SLC34A2: variants seen among roughly 807,000 people sequenced by gnomAD.
The protein encoded by SLC34A2 is sodium-dependent phosphate transport protein 2B.
In SLC34A2, 41 loss-of-function variants were observed where a neutral mutation model predicts 50.8. The ratio of observed to expected loss-of-function variants is 0.81; its 90% CI spans 0.63 to 1.05. The LOEUF is 1.05. SLC34A2 is among the 50% of genes least tolerant of loss of function. The pLI is 0.00. For missense variants in SLC34A2, 879 were observed against 876.7 expected, an observed-to-expected ratio of 1.00 and a Z score of -0.03; for synonymous variants, 401 against 364.2, an observed-to-expected ratio of 1.10 and a Z score of -1.15.
chr4:25,665,484 T>C (rs1472080086), intron 4 of SLC34A2, among the ~76,000 whole-genome samples: 1 of 152,068 alleles, frequency 6.6e-6, no homozygotes, highest in East Asian at 1.9e-4. Context: ...ACATTGCTTC[T>C]GGGCTCCCTG....
chr4:25,668,344 G>T (rs1179150647), intron 6 of SLC34A2, among the ~76,000 whole-genome samples: 1 of 152,212 alleles, frequency 6.6e-6, no homozygotes, highest in African/African-American at 2.4e-5. Flanking sequence ...TTGAAGCAAG[G>T]CCAGTTAGAA....
rs1319636296 is a variant in SLC34A2, at chr4:25,667,994, A to T, written c.635+3A>T. 6 of 1,590,786 alleles carry T rather than the reference A, an allele frequency of 3.8e-6. No homozygotes were observed. Among genetic ancestry groups the T allele is most frequent in the Non-Finnish European group, 5.2e-6 (6 of 1,159,058 alleles). ...GGAGATCGGAGTGAGTTCAGAAGGT[A>T]AGAGGCTCAAAACCAGCCTTTGCGA... On this transcript the variant is annotated splice_donor_region_variant and intron_variant, in intron 6 of 12. Coordinates refer to ENST00000382051, the MANE Select transcript of SLC34A2 (RefSeq NM_006424.3).
At chr4:25,656,539 A>T (rs918109143) in intron 1 of SLC34A2, 1 of 152,244 alleles carries the variant, frequency 6.6e-6, no homozygotes, top group African/African-American at 2.4e-5. Flanking sequence ...AAAGCCCGCA[A>T]TTTATGTTTT....
In SLC34A2 at chr4:25,667,747, CA is replaced by C. The variant is rs372509113; in HGVS notation, c.524-124del. On this transcript the variant is annotated intron_variant, in intron 5 of 12. Transcript: ENST00000382051. ...TCATAGTGAGGTGCAGAGTGAGGTG[CA>C]AAAAAAAAGTTTAAGAATTCACTTG... The C allele has an allele frequency of 5.9e-3, 4,023 of 679,628 alleles. 91 individuals are homozygous for C. Among genetic ancestry groups the C allele is most frequent in the African/African-American group, 0.059 (3,285 of 56,136 alleles). The allele number at this position is 679,628 out of a possible 1,614,324, so 42.1% of individuals were successfully genotyped here.
chr4:25,670,319 T>C (rs572007152), intron 7 of SLC34A2, among the ~76,000 whole-genome samples: 10 of 152,324 alleles, frequency 6.6e-5, no homozygotes, highest in African/African-American at 2.2e-4. Flanking sequence ...GTGACTGACC[T>C]TGATGGTTAC....
At chr4:25,665,211 G>T (rs1714431141) in intron 4 of SLC34A2, 1 of 179,860 alleles carries the variant, frequency 5.6e-6, no homozygotes, top group African/African-American at 2.5e-5. Flanking sequence ...TTGTTGCCCG[G>T]GCTGGAGTGC....
At chr4:25,660,889 T>A (rs552527696) in intron 1 of SLC34A2, among the ~76,000 whole-genome samples, 2 of 152,304 alleles carry the variant, frequency 1.3e-5, no homozygotes, top group South Asian at 4.1e-4. Context: ...TTTGTTCCTT[T>A]TCTGTGAATT....
In SLC34A2 at chr4:25,676,806, C is replaced by T; in HGVS notation, c.*57C>T. ...TGGTCCTTGAGTTTTGCATGCTCTC[C>T]TCCCTCCCACTTCTGCACCCTTTCA... On this transcript the variant is annotated 3_prime_UTR_variant, in exon 13 of 13. Coordinates refer to ENST00000382051, the MANE Select transcript of SLC34A2 (RefSeq NM_006424.3). 6.2e-7 allele frequency: 1 copy of T among 1,610,216 alleles called. No homozygotes were observed.
intron 4 of SLC34A2, among the ~76,000 whole-genome samples, chr4:25,665,681 G>A (rs1385584377): frequency 6.6e-6 from 1 of 152,124 alleles, no homozygotes; most frequent in East Asian, 1.9e-4. Context: ...GGTGGATAGA[G>A]AGATCTACTC....
chr4:25,660,277 C>A (rs1714110923), intron 1 of SLC34A2, among the ~76,000 whole-genome samples: 1 of 152,184 alleles, frequency 6.6e-6, no homozygotes, highest in Admixed American at 6.5e-5. Context: ...TGGACTCAGG[C>A]TCTAAGAAGC....
In SLC34A2 at chr4:25,663,847, G is replaced by A. The variant is rs1051122873; in HGVS notation, c.251-355G>A. Among the ~76,000 whole-genome samples the A allele has an allele frequency of 3.3e-5, 5 of 152,168 alleles. No homozygotes were observed. The South Asian group carries it at 8.3e-4, about 25-fold the overall frequency. On this transcript the variant is annotated intron_variant, in intron 3 of 12. Coordinates refer to ENST00000382051, the MANE Select transcript of SLC34A2 (RefSeq NM_006424.3). ...GCCATTATCTCCGACCCTGCACTTA[G>A]CAGGTGGCTAGTGCTGTCAACTGCC...
chr4:25,674,336 C>T lies in SLC34A2; in HGVS notation c.1257C>T (p.Ala419=). ...TTGCATGGTTGACTGGCTACCTGGC[C>T]ATCCTCGTCGGGGCAGGCATGACCT... is the stretch of plus-strand genomic sequence containing the variant. The part of the protein sequence containing the change: ...FPFAWLTGYL[A]ILVGAGMTFI... Residue 419 remains alanine, a synonymous_variant, in exon 11 of 13, where the codon GCC becomes GCT. Transcript: ENST00000382051. 6.2e-7 allele frequency: 1 copy of T among 1,614,116 alleles called. No homozygotes were observed. The highest frequency in any genetic ancestry group is 8.5e-7 in the Non-Finnish European group (1 of 1,180,020).
chr4:25,662,981 T>TA, intron 3 of SLC34A2, 139 bp downstream of exon 3: 1 of 997,270 alleles, frequency 1.0e-6, no homozygotes, highest in Non-Finnish European at 1.4e-6. Context: ...CACCCTCTCA[T>TA]CTTTTTTTTT....
Position 25,664,195 on chromosome 4 carries a change from C to CG in SLC34A2, c.251-7_251-6insG. On this transcript the variant is annotated splice_polypyrimidine_tract_variant and splice_region_variant and intron_variant, in intron 3 of 12. Transcript: ENST00000382051. ...TCTCTCTCTCCCCCCATCCCACCCC[C>CG]CTGCAGAGAGAGACACCAAAGGGAA... 1 of 1,612,190 alleles carries CG rather than the reference C, an allele frequency of 6.2e-7. No homozygotes were observed.
intron 1 of SLC34A2, among the ~76,000 whole-genome samples, chr4:25,659,740 C>A (rs1369007558): frequency 6.6e-6 from 1 of 152,190 alleles, no homozygotes; most frequent in African/African-American, 2.4e-5. Context: ...CTCTGCAGAG[C>A]CAGCCCTCCC....
At chr4:25,658,782 C>A (rs934778897) in intron 1 of SLC34A2, among the ~76,000 whole-genome samples, 1 of 152,142 alleles carries the variant, frequency 6.6e-6, no homozygotes, top group Non-Finnish European at 1.5e-5. Flanking sequence ...TGGAGTGAGG[C>A]CTTGGGAAGG....
intron 1 of SLC34A2, among the ~76,000 whole-genome samples, chr4:25,660,632 A>G (rs1452494447): frequency 6.6e-6 from 1 of 151,938 alleles, no homozygotes; most frequent in African/African-American, 2.4e-5. Flanking sequence ...TGCAACCTCC[A>G]CCTCCCAGAT....
chr4:25,658,438 A>G (rs1714002512), intron 1 of SLC34A2, among the ~76,000 whole-genome samples: 1 of 152,164 alleles, frequency 6.6e-6, no homozygotes, highest in South Asian at 2.1e-4. Context: ...TCTGGGCACA[A>G]GGGGCCCAGG....
At chr4:25,673,555 C>T (rs1714938178) in intron 10 of SLC34A2, among the ~76,000 whole-genome samples, 1 of 152,090 alleles carries the variant, frequency 6.6e-6, no homozygotes, top group Non-Finnish European at 1.5e-5. Context: ...GCTTTACTGG[C>T]TCTGTCAAGA....
Sources: allele counts gnomAD v4.1 joint callset (sites outside exome capture counted in the v4.1 genomes callset), GRCh38; gene constraint gnomAD v4.1.1; transcripts MANE v1.5; gene names NCBI Gene and HGNC (gene_info 2026-07-23, HGNC 2026-07-21).